The following ST18 variants were observed in gnomAD, a reference collection of about 807,000 sequenced individuals.
ST18 encodes the protein suppression of tumorigenicity 18 protein.
A neutral mutation model predicts 110.0 loss-of-function variants in ST18; 50 were observed. The observed-to-expected ratio is 0.45, with a 90% CI of 0.36 to 0.58. ST18 has a LOEUF of 0.58. ST18 is among the 20% of genes least tolerant of loss of function. The pLI, the probability that ST18 is intolerant of heterozygous loss-of-function variation, is 0.00. For missense variants in ST18, 1,306 were observed against 1,280.1 expected (o/e 1.02, Z -0.31); for synonymous variants, 461 against 452.4 (o/e 1.02, Z -0.24).
chr8:52,278,206 T>C (rs992981357), intron 2 of ST18, among the ~76,000 whole-genome samples: 5 of 152,228 alleles, frequency 3.3e-5, no homozygotes, highest in African/African-American at 1.2e-4. Context: ...GGAATGATCA[T>C]AATGATTGTC....
intron 2 of ST18, among the ~76,000 whole-genome samples, chr8:52,396,057 C>A (rs1337644424): frequency 6.6e-6 from 1 of 151,798 alleles, no homozygotes; most frequent in Non-Finnish European, 1.5e-5. Flanking sequence ...AGGTTTACAA[C>A]GTGATATTAT....
chr8:52,170,337 T>A (rs1250035631), intron 10 of ST18, among the ~76,000 whole-genome samples: 1 of 152,002 alleles, frequency 6.6e-6, no homozygotes, highest in Non-Finnish European at 1.5e-5. Flanking sequence ...GCACCTGTAA[T>A]CCTAGCTACT....
intron 22 of ST18, 59 bp downstream of exon 22, chr8:52,131,899 G>T: frequency 6.4e-7 from 1 of 1,558,912 alleles, no homozygotes; most frequent in Non-Finnish European, 8.8e-7. Flanking sequence ...TCTCCCCAAG[G>T]CAGCCTAGGC....
At position 52,210,781 on chromosome 8, in the gene ST18, G is replaced by A. The variant is rs149298311; in HGVS notation, c.86+1298C>T. Among the ~76,000 whole-genome samples, 234 of 152,302 alleles carry A rather than the reference G, an allele frequency of 1.5e-3. 2 individuals carry two copies. The highest frequency in any genetic ancestry group is 5.4e-3 in the African/African-American group (224 of 41,576). On this transcript the variant is annotated intron_variant, in intron 8 of 25. Coordinates refer to ENST00000689386, the MANE Select transcript of ST18 (RefSeq NM_001352837.2). ...CTACTGACAAATTCCACAGAGAAGAGTATCTGCATGAATTCTAACAGATAA... is the reference window on the plus strand; with the variant it reads ...CTACTGACAAATTCCACAGAGAAGAATATCTGCATGAATTCTAACAGATAA...
chr8:52,368,852 T>A (rs1442071362), intron 2 of ST18, among the ~76,000 whole-genome samples: 4 of 152,106 alleles, frequency 2.6e-5, no homozygotes, highest in African/African-American at 9.7e-5. Context: ...TCACTACCAA[T>A]TGGAATCAAA....
intron 2 of ST18, among the ~76,000 whole-genome samples, chr8:52,322,504 G>T (rs1047308647): frequency 6.6e-6 from 1 of 152,124 alleles, no homozygotes; most frequent in Non-Finnish European, 1.5e-5. Flanking sequence ...ATAACTACTT[G>T]AATTATATAA....
At position 52,307,843 on chromosome 8, in the gene ST18, G is replaced by A. The variant is rs1026808001; in HGVS notation, c.-464-77766C>T. Among the ~76,000 whole-genome samples the A allele has an allele frequency of 6.6e-5, 10 of 152,120 alleles. 1 individual carries two copies. Among genetic ancestry groups the A allele is most frequent in the Non-Finnish European group, 1.5e-5 (1 of 68,016 alleles). On this transcript the variant is annotated intron_variant, in intron 2 of 25. Coordinates refer to ENST00000689386, the MANE Select transcript of ST18 (RefSeq NM_001352837.2). Reference sequence around the variant, plus strand: ...AATGGCTGCATAATATATCTTGCACGTATAACTTGATTGACTACTCTCTAA... The same window carrying A: ...AATGGCTGCATAATATATCTTGCACATATAACTTGATTGACTACTCTCTAA...
intron 8 of ST18, among the ~76,000 whole-genome samples, chr8:52,208,816 A>AAAAT (rs74780314): frequency 0.088 from 13,348 of 151,282 alleles, 733 homozygotes; most frequent in Non-Finnish European, 0.13. Flanking sequence ...AGGCTTCGCC[A>AAAAT]AAATAAATAA....
At chr8:52,270,911 G>GTT (rs562488412) in intron 2 of ST18, among the ~76,000 whole-genome samples, 5 of 144,780 alleles carry the variant, frequency 3.5e-5, no homozygotes, top group Non-Finnish European at 7.6e-5. Context: ...TATAAGTTTT[G>GTT]TTTTTTTTTT....
intron 2 of ST18, among the ~76,000 whole-genome samples, chr8:52,363,337 T>A (rs898932810): frequency 6.6e-6 from 1 of 152,068 alleles, no homozygotes; most frequent in African/African-American, 2.4e-5. Flanking sequence ...AATTTTTAAA[T>A]CTTTCTCGTG....
chr8:52,116,784 G>A (rs1179461674), intron 24 of ST18, among the ~76,000 whole-genome samples: 1 of 152,048 alleles, frequency 6.6e-6, no homozygotes, highest in Non-Finnish European at 1.5e-5. Context: ...ACCCCCCATG[G>A]CTCTTTCTTT....
intron 2 of ST18, among the ~76,000 whole-genome samples, chr8:52,283,276 A>T (rs1452337435): frequency 6.6e-6 from 1 of 152,240 alleles, no homozygotes; most frequent in East Asian, 1.9e-4. Flanking sequence ...GATGGAGGTG[A>T]CTGTCAGACA....
chr8:52,358,857 T>C (rs529947022), intron 2 of ST18, among the ~76,000 whole-genome samples: 10 of 152,010 alleles, frequency 6.6e-5, no homozygotes, highest in African/African-American at 1.4e-4. Context: ...GCATCCCAAC[T>C]CATTCTATGA....
At chr8:52,333,792 A>G (rs1477405973) in intron 2 of ST18, among the ~76,000 whole-genome samples, 1 of 152,360 alleles carries the variant, frequency 6.6e-6, no homozygotes, top group East Asian at 1.9e-4. Context: ...CTCTCTTGCT[A>G]CTGAAACTGG....
chr8:52,120,945 G>A (rs140125697), intron 23 of ST18, among the ~76,000 whole-genome samples: 9 of 152,252 alleles, frequency 5.9e-5, no homozygotes, highest in Non-Finnish European at 1.2e-4. Flanking sequence ...GGAATCGACG[G>A]AGAAGAGAGG....
At chr8:52,121,597 C>T (rs1319869217) in intron 23 of ST18, among the ~76,000 whole-genome samples, 2 of 152,112 alleles carry the variant, frequency 1.3e-5, no homozygotes, top group Non-Finnish European at 2.9e-5. Flanking sequence ...CATTTATTAC[C>T]TCAAAGTATG....
chr8:52,408,409 T>G (rs1184966416), intron 2 of ST18, among the ~76,000 whole-genome samples: 1 of 152,240 alleles, frequency 6.6e-6, no homozygotes, highest in African/African-American at 2.4e-5. Flanking sequence ...AACACCACTG[T>G]GAGCCTCGCT....
intron 2 of ST18, among the ~76,000 whole-genome samples, chr8:52,345,667 A>G (rs1450221344): frequency 6.6e-6 from 1 of 152,238 alleles, no homozygotes; most frequent in African/African-American, 2.4e-5. Context: ...GCAAAGCATG[A>G]CAGCTGTCCT....
chr8:52,297,088 A>G (rs1448491917), intron 2 of ST18, among the ~76,000 whole-genome samples: 1 of 152,218 alleles, frequency 6.6e-6, no homozygotes, highest in Non-Finnish European at 1.5e-5. Context: ...CCCAACTCAT[A>G]TAAGAATCTG....
Sources: allele counts gnomAD v4.1 joint callset (sites outside exome capture counted in the v4.1 genomes callset), GRCh38; gene constraint gnomAD v4.1.1; transcripts MANE v1.5; gene names NCBI Gene and HGNC (gene_info 2026-07-23, HGNC 2026-07-21).